Variants in SGCZ observed in about 807,000 individuals in gnomAD.
SGCZ encodes the protein sarcoglycan zeta.
Under a neutral mutation model 41.3 loss-of-function variants are expected in SGCZ, and 40 were observed. The ratio of observed to expected loss-of-function variants is 0.97; its 90% CI spans 0.75 to 1.26. SGCZ has a LOEUF of 1.26. Among genes scored for constraint, SGCZ ranks in the 50% most tolerant of loss-of-function variants. The pLI is 0.00. For missense variants in SGCZ, 552 were observed against 369.8 expected (o/e 1.49, Z -4.04); for synonymous variants, 206 against 137.5 (o/e 1.50, Z -3.49).
At chr8:14,246,478 GGA>G (rs1269898337) in intron 3 of SGCZ, among the ~76,000 whole-genome samples, 1 of 151,860 alleles carries the variant, frequency 6.6e-6, no homozygotes, top group Non-Finnish European at 1.5e-5. Context: ...GATAGCATTA[GGA>G]GATATACCTA....
At chr8:14,309,614 G>C in intron 3 of SGCZ, 3 of 1,610,896 alleles carry the variant, frequency 1.9e-6, no homozygotes, top group Non-Finnish European at 2.5e-6. Flanking sequence ...CTGGTTATCA[G>C]TCCCACGCAG....
chr8:14,687,171 A>AAT (rs59722242), intron 1 of SGCZ, among the ~76,000 whole-genome samples: 17,853 of 141,160 alleles, frequency 0.13, 1,520 homozygotes, highest in East Asian at 0.37. Context: ...AGAAAAAAAA[A>AAT]ATATATATAT....
intron 1 of SGCZ, among the ~76,000 whole-genome samples, chr8:14,612,371 G>C (rs1805957872): frequency 6.6e-6 from 1 of 152,112 alleles, no homozygotes; most frequent in Non-Finnish European, 1.5e-5. Flanking sequence ...TTATGAAAAA[G>C]GTGTTTGCTT....
At chr8:14,505,292 T>G (rs1190057042) in intron 2 of SGCZ, among the ~76,000 whole-genome samples, 1 of 152,190 alleles carries the variant, frequency 6.6e-6, no homozygotes, top group Non-Finnish European at 1.5e-5. Context: ...TTTTTTAGTG[T>G]TCCTCCTGGT....
chr8:14,147,702 A>T (rs1325930446), intron 5 of SGCZ, among the ~76,000 whole-genome samples: 1 of 152,212 alleles, frequency 6.6e-6, no homozygotes, highest in Non-Finnish European at 1.5e-5. Flanking sequence ...ACTACAGACC[A>T]AATGGATATA....
chr8:14,241,308 T>A (rs946565231), intron 3 of SGCZ, among the ~76,000 whole-genome samples: 1 of 151,676 alleles, frequency 6.6e-6, no homozygotes, highest in Non-Finnish European at 1.5e-5. Flanking sequence ...GAGAAATCTA[T>A]TTTGTTGATA....
chr8:14,791,304 T>A (rs776371473), intron 1 of SGCZ, among the ~76,000 whole-genome samples: 6 of 152,058 alleles, frequency 3.9e-5, no homozygotes, highest in Non-Finnish European at 7.3e-5. Flanking sequence ...TATTCTGACA[T>A]TGAGCACATA....
intron 2 of SGCZ, among the ~76,000 whole-genome samples, chr8:14,445,935 T>A (rs141784205): frequency 6.6e-6 from 1 of 152,254 alleles, no homozygotes; most frequent in Non-Finnish European, 1.5e-5. Context: ...TGAAGCTTGC[T>A]CCTGCTGGAT....
chr8:15,150,599 C>T (rs10108992), intron 1 of SGCZ, among the ~76,000 whole-genome samples: 96,936 of 151,986 alleles, frequency 0.64, 31,422 homozygotes, highest in East Asian at 0.79. Context: ...GATACTTGAA[C>T]TGAACAAGTA....
At chr8:14,762,097 CT>C (rs535770572) in intron 1 of SGCZ, among the ~76,000 whole-genome samples, 165 of 152,244 alleles carry the variant, frequency 1.1e-3, no homozygotes, top group East Asian at 3.3e-3. Flanking sequence ...CTGAAAGCCC[CT>C]TTTTTTCCAA....
At chr8:14,356,848 A>G (rs955277494) in intron 2 of SGCZ, among the ~76,000 whole-genome samples, 1 of 152,056 alleles carries the variant, frequency 6.6e-6, no homozygotes, top group Admixed American at 6.5e-5. Context: ...AAAATAGTAT[A>G]TTTTTTCTAA....
chr8:14,490,331 G>C (rs1357104618), intron 2 of SGCZ, among the ~76,000 whole-genome samples: 2 of 152,228 alleles, frequency 1.3e-5, no homozygotes, highest in Middle Eastern at 3.4e-3. Context: ...GAATAGAGTA[G>C]TTTAGAAATT....
At chr8:15,014,150 T>C (rs1802937104) in intron 1 of SGCZ, among the ~76,000 whole-genome samples, 1 of 152,166 alleles carries the variant, frequency 6.6e-6, no homozygotes, top group South Asian at 2.1e-4. Context: ...CCTTCAAGAA[T>C]GCACTGAAAA....
intron 1 of SGCZ, among the ~76,000 whole-genome samples, chr8:14,573,963 T>A (rs1804635141): frequency 1.3e-5 from 2 of 152,270 alleles, no homozygotes; most frequent in Admixed American, 1.3e-4. Context: ...GCACAGAGGA[T>A]ACATGCATAC....
chr8:14,391,796 G>C (rs1181546412), intron 2 of SGCZ, among the ~76,000 whole-genome samples: 2 of 152,248 alleles, frequency 1.3e-5, no homozygotes, highest in Non-Finnish European at 2.9e-5. Context: ...TCTTCAGGTT[G>C]TACAGGAAGC....
chr8:14,909,561 A>T (rs1259840975), intron 1 of SGCZ, among the ~76,000 whole-genome samples: 1 of 152,128 alleles, frequency 6.6e-6, no homozygotes, highest in Non-Finnish European at 1.5e-5. Context: ...ATTTTTTAGT[A>T]AATTTTATAA....
At chr8:14,852,883 C>T (rs1000224204) in intron 1 of SGCZ, among the ~76,000 whole-genome samples, 1 of 152,132 alleles carries the variant, frequency 6.6e-6, no homozygotes. Context: ...CGTCTAAACT[C>T]TCCTGAAGCG....
intron 1 of SGCZ, among the ~76,000 whole-genome samples, chr8:15,017,940 G>A (rs184333163): frequency 5.3e-5 from 8 of 152,164 alleles, no homozygotes; most frequent in Admixed American, 3.3e-4. Flanking sequence ...ATTTTGCCCA[G>A]TCTGGTCTTG....
At chr8:14,792,751 G>T (rs550373918) in intron 1 of SGCZ, among the ~76,000 whole-genome samples, 1 of 151,836 alleles carries the variant, frequency 6.6e-6, no homozygotes, top group Non-Finnish European at 1.5e-5. Context: ...GCACCTAAAG[G>T]TCCAGGGTTT....
Sources: allele counts gnomAD v4.1 joint callset (sites outside exome capture counted in the v4.1 genomes callset), GRCh38; gene constraint gnomAD v4.1.1; transcripts MANE v1.5; gene names NCBI Gene and HGNC (gene_info 2026-07-23, HGNC 2026-07-21).